The following AGMO variants were observed in gnomAD, a reference collection of about 807,000 sequenced individuals.
AGMO encodes alkylglycerol monooxygenase, also known as glyceryl-ether monooxygenase.
A neutral mutation model predicts 60.2 loss-of-function variants in AGMO; 75 were observed. The observed-to-expected ratio is 1.25, with a 90% confidence interval of 1.03 to 1.51. The LOEUF is 1.51. Ranked by LOEUF, AGMO falls within the 40% of genes most tolerant of loss-of-function variation. The probability of loss-of-function intolerance (pLI) is 0.00; values close to 1 mark genes in which losing one functional copy is unlikely to be tolerated. For missense variants in AGMO, 763 were observed against 525.5 expected (o/e 1.45, Z -4.42); for synonymous variants, 261 against 177.1 (o/e 1.47, Z -3.76).
the AGMO span, among the ~76,000 whole-genome samples, chr7:15,170,922 G>T: frequency 6.6e-6 from 1 of 152,014 alleles, no homozygotes; most frequent in Non-Finnish European, 1.5e-5. Context: ...ACTATATTTG[G>T]ATTTGACTTA....
At chr7:15,418,723 A>G (rs1780849421) in intron 4 of AGMO, 70 bp from the exon 5 acceptor site, 1 of 884,030 alleles carries the variant, frequency 1.1e-6, no homozygotes, top group Non-Finnish European at 1.7e-6. Context: ...ATGGTTCAAT[A>G]TTCTGAATGC....
chr7:15,523,988 A>C (rs1009267767), intron 3 of AGMO, among the ~76,000 whole-genome samples: 1 of 152,206 alleles, frequency 6.6e-6, no homozygotes. Flanking sequence ...TATTTTAGAT[A>C]CATATAAAAA....
intron 12 of AGMO, among the ~76,000 whole-genome samples, chr7:15,220,020 ACCC>A (rs1781868897): frequency 1.3e-5 from 2 of 151,880 alleles, no homozygotes; most frequent in South Asian, 4.2e-4. Context: ...TTAAAATCCC[ACCC>A]GTCCTTGAAG....
At chr7:15,287,378 G>T (rs1374096935) in intron 12 of AGMO, among the ~76,000 whole-genome samples, 1 of 151,940 alleles carries the variant, frequency 6.6e-6, no homozygotes, top group African/African-American at 2.4e-5. Context: ...CTTTGCCACC[G>T]ATATGTCCTC....
chr7:15,150,482 A>G, the AGMO span, among the ~76,000 whole-genome samples: 3 of 152,080 alleles, frequency 2.0e-5, no homozygotes, highest in Non-Finnish European at 2.9e-5. Flanking sequence ...TGTTCCTTCA[A>G]TGGCTAGTTT....
Position 15,338,919 on chromosome 7 carries a change from G to C in AGMO, c.1263+26595C>G, listed in dbSNP as rs994217339. Among the ~76,000 whole-genome samples, 5 of 152,188 alleles carry C rather than the reference G, an allele frequency of 3.3e-5. No individual in the cohort carries two copies. The East Asian group carries it at 5.8e-4, about 18-fold the overall frequency. On this transcript the variant is annotated intron_variant, in intron 12 of 12. Coordinates refer to ENST00000342526, the MANE Select transcript of AGMO (RefSeq NM_001004320.2). ...ACCTTAAACAATGTGGACAGTAGAAGGTTGGTTGGCAAGTGGGGAGCAGCC... is the reference window on the plus strand; with the variant it reads ...ACCTTAAACAATGTGGACAGTAGAACGTTGGTTGGCAAGTGGGGAGCAGCC...
At chr7:15,392,931 T>A (rs936943762) in intron 6 of AGMO, among the ~76,000 whole-genome samples, 6 of 152,206 alleles carry the variant, frequency 3.9e-5, no homozygotes, top group Non-Finnish European at 8.8e-5. Flanking sequence ...TAGACAAAAA[T>A]CATCTAATAC....
the AGMO span, among the ~76,000 whole-genome samples, chr7:15,122,809 T>C: frequency 6.6e-6 from 1 of 152,106 alleles, no homozygotes; most frequent in African/African-American, 2.4e-5. Context: ...ATGATACACT[T>C]ATTTGTTTTC....
At chr7:15,323,372 A>G in intron 12 of AGMO, among the ~76,000 whole-genome samples, 1 of 152,290 alleles carries the variant, frequency 6.6e-6, no homozygotes, top group East Asian at 1.9e-4. Context: ...GAAGTCAGAC[A>G]AAGAAAAAAA....
intron 12 of AGMO, among the ~76,000 whole-genome samples, chr7:15,334,626 G>C (rs1478015485): frequency 6.6e-6 from 1 of 152,108 alleles, no homozygotes; most frequent in Non-Finnish European, 1.5e-5. Flanking sequence ...ATTTTTATTA[G>C]CTTTCTCTTT....
intron 12 of AGMO, among the ~76,000 whole-genome samples, chr7:15,364,183 T>C (rs1009286621): frequency 6.6e-6 from 1 of 151,964 alleles, no homozygotes; most frequent in African/African-American, 2.4e-5. Flanking sequence ...TTTAAAGGTA[T>C]CAAAGAATAT....
chr7:15,454,041 T>C (rs1269795848), intron 3 of AGMO, among the ~76,000 whole-genome samples: 1 of 149,196 alleles, frequency 6.7e-6, no homozygotes, highest in Non-Finnish European at 1.5e-5. Flanking sequence ...TTTATATATA[T>C]ATACCACTAG....
chr7:15,152,598 G>C, the AGMO span, among the ~76,000 whole-genome samples: 1 of 152,030 alleles, frequency 6.6e-6, no homozygotes, highest in Non-Finnish European at 1.5e-5. Context: ...TATGATGTTT[G>C]ACTTTTCATT....
At chr7:15,397,519 G>A (rs1784441406) in intron 5 of AGMO, among the ~76,000 whole-genome samples, 2 of 152,166 alleles carry the variant, frequency 1.3e-5, no homozygotes, top group Admixed American at 1.3e-4. Context: ...CCAAGAAGGC[G>A]CTGAGAGCTA....
chr7:15,387,990 C>A (rs2128484090), intron 8 of AGMO, among the ~76,000 whole-genome samples: 1 of 151,210 alleles, frequency 6.6e-6, no homozygotes, highest in South Asian at 2.1e-4. Flanking sequence ...TCACTACAAC[C>A]TCTGCCTCCT....
chr7:15,401,555 T>C lies in AGMO; in HGVS notation c.610-7376A>G, dbSNP rs552324576. Among the ~76,000 whole-genome samples, 11 of 152,286 alleles carry C rather than the reference T, an allele frequency of 7.2e-5. No individual in the cohort carries two copies. In the South Asian group the frequency reaches 2.1e-3, roughly 29 times the overall value. The stretch of plus-strand genomic sequence containing the variant: ...TAAATATTGGGAATGTCACATAATA[T>C]TTCTATTATTCAATTTTTACATCTG... On this transcript the variant is annotated intron_variant, in intron 5 of 12. Transcript: ENST00000342526.
intron 1 of AGMO, among the ~76,000 whole-genome samples, chr7:15,561,058 T>A (rs1441441470): frequency 6.6e-6 from 1 of 152,204 alleles, no homozygotes; most frequent in African/African-American, 2.4e-5. Flanking sequence ...CTCAATAACA[T>A]ATTCTATGAT....
chr7:15,548,794 C>G (rs1784863800), intron 2 of AGMO, among the ~76,000 whole-genome samples: 1 of 152,090 alleles, frequency 6.6e-6, no homozygotes, highest in Non-Finnish European at 1.5e-5. Context: ...GGCCAACGTT[C>G]AGTTTCAGGA....
intron 10 of AGMO, among the ~76,000 whole-genome samples, chr7:15,374,416 G>A (rs1783361378): frequency 6.6e-6 from 1 of 151,970 alleles, no homozygotes; most frequent in Admixed American, 6.6e-5. Context: ...GAATTGACAT[G>A]GAGTTCATCA....
Sources: gnomAD v4.1 joint callset for allele counts (sites outside exome capture counted in the v4.1 genomes callset) on GRCh38, gnomAD v4.1.1 for gene constraint, MANE v1.5 for transcripts, NCBI Gene and HGNC (gene_info 2026-07-23, HGNC 2026-07-21) for gene names.